Variants in GDAP2 observed in about 807,000 individuals in gnomAD.
The protein encoded by GDAP2 is ganglioside-induced differentiation-associated protein 2.
Under a neutral mutation model 67.0 loss-of-function variants are expected in GDAP2, and 51 were observed. The observed-to-expected ratio is 0.76, with a 90% CI of 0.61 to 0.96. GDAP2 has a LOEUF of 0.96. Ranked by LOEUF, GDAP2 falls within the 40% of genes least tolerant of loss-of-function variation. GDAP2 has a pLI of 0.00. For missense variants in GDAP2, 547 were observed against 588.3 expected, an observed-to-expected ratio of 0.93 and a Z score of 0.73; for synonymous variants, 203 against 207.3, an observed-to-expected ratio of 0.98 and a Z score of 0.18.
chr1:117,917,042 A>G (rs1173122405), intron 3 of GDAP2, among the ~76,000 whole-genome samples: 1 of 152,028 alleles, frequency 6.6e-6, no homozygotes, highest in Non-Finnish European at 1.5e-5. Flanking sequence ...TCAGGAAAAA[A>G]AAAAAAAGAA....
At chr1:117,884,813 C>CGTGTGTGTGTGTGTGTGT (rs35296112) in intron 10 of GDAP2, among the ~76,000 whole-genome samples, 6 of 147,860 alleles carry the variant, frequency 4.1e-5, no homozygotes, top group Admixed American at 1.4e-4. Context: ...TTATTCCCTC[C>CGTGTGTGTGTGTGTGTGT]GTGTGTGTGT....
chr1:117,921,631 G>T (rs965488451), intron 1 of GDAP2, among the ~76,000 whole-genome samples: 1 of 152,182 alleles, frequency 6.6e-6, no homozygotes, highest in Admixed American at 6.5e-5. Context: ...AGGTTGGTAA[G>T]AGAGGGAAAA....
rs1650093401 is a variant in GDAP2, at chr1:117,917,553, A to C, written c.316+1044T>G. ...TATGTCAGGAACTGAGGTAGGAACT[A>C]CTATTACCATCCCCATTTTAGAGAT... is the stretch of plus-strand genomic sequence containing the variant. On this transcript the variant is annotated intron_variant, in intron 3 of 13. Transcript: ENST00000369443. Among the ~76,000 whole-genome samples, 3 of 152,248 alleles carry C rather than the reference A, an allele frequency of 2.0e-5. No homozygotes were observed. The South Asian group carries it at 6.2e-4, about 31-fold the overall frequency.
At chr1:117,924,475 TGAGAAGTTTTTC>T (rs1354847543) in intron 1 of GDAP2, among the ~76,000 whole-genome samples, 1 of 152,202 alleles carries the variant, frequency 6.6e-6, no homozygotes, top group African/African-American at 2.4e-5. Flanking sequence ...TGAAGTTTTT[TGAGAAGTTTTTC>T]AGTATGGTTT....
At chr1:117,904,379 C>G (rs1649584386) in intron 6 of GDAP2, among the ~76,000 whole-genome samples, 1 of 152,196 alleles carries the variant, frequency 6.6e-6, no homozygotes, top group African/African-American at 2.4e-5. Flanking sequence ...CCTGGACAAT[C>G]TCATTTTACT....
intron 6 of GDAP2, among the ~76,000 whole-genome samples, chr1:117,904,999 A>T (rs1649609917): frequency 6.6e-6 from 1 of 152,138 alleles, no homozygotes; most frequent in Admixed American, 6.6e-5. Context: ...AAAAACCTAG[A>T]AGTCATGTTT....
At position 117,886,636 on chromosome 1, in the gene GDAP2, G is replaced by A. The variant is rs747457022; in HGVS notation, c.1048C>T (p.Arg350Ter). Residue 350 changes from arginine to a stop codon, truncating the protein, a stop_gained, in exon 10 of 14, where the codon CGA becomes TGA. Coordinates refer to ENST00000369443, the MANE Select transcript of GDAP2 (RefSeq NM_017686.4). LOFTEE classifies it high-confidence loss of function. Reference sequence around the variant, plus strand: ...CTTCCAACTACCACCATCACTGTTCGACCACAGTTATCAACACCTATAAAC... The same window carrying A: ...CTTCCAACTACCACCATCACTGTTCAACCACAGTTATCAACACCTATAAAC... ...LYQTGVDNCG[R>*]TVMVVVGRNI... 4 of 1,578,846 alleles carry A rather than the reference G, an allele frequency of 2.5e-6. No individual in the cohort carries two copies. Among genetic ancestry groups the A allele is most frequent in the African/African-American group, 1.3e-5 (1 of 74,268 alleles).
At chr1:117,886,816 G>GACA (rs3054231) in intron 9 of GDAP2, among the ~76,000 whole-genome samples, 163 bp from the exon 10 acceptor site, 71,516 of 151,700 alleles carry the variant, frequency 0.47, 17,018 homozygotes, top group South Asian at 0.63. Context: ...CTACTCTGCA[G>GACA]ACAACACCTA....
intron 11 of GDAP2, 27 bp from the exon 12 acceptor site, chr1:117,881,904 A>T (rs1210264735): frequency 7.4e-7 from 1 of 1,344,148 alleles, no homozygotes; most frequent in African/African-American, 1.4e-5. Context: ...ATGACAAAAA[A>T]AATCAGTATA....
Position 117,874,998 on chromosome 1 carries a change from A to G in GDAP2, c.1446+3011T>C, listed in dbSNP as rs972723203. Among the ~76,000 whole-genome samples the G allele has an allele frequency of 7.2e-5, 11 of 152,238 alleles. 1 individual carries two copies. The highest frequency in any genetic ancestry group is 7.2e-4 in the Admixed American group (11 of 15,290). Reference sequence around the variant, plus strand: ...GCTGCTTTTAACAGCTTATAACCAGATATGAGAGCAAAGAAATGACAAAAA... The same window carrying G: ...GCTGCTTTTAACAGCTTATAACCAGGTATGAGAGCAAAGAAATGACAAAAA... On this transcript the variant is annotated intron_variant, in intron 13 of 13. Transcript: ENST00000369443.
At chr1:117,919,499 T>C (rs187963774) in intron 2 of GDAP2, among the ~76,000 whole-genome samples, 81 of 152,300 alleles carry the variant, frequency 5.3e-4, no homozygotes, top group African/African-American at 1.8e-3. Context: ...ATGTTCAGAA[T>C]TGGCAAATCT....
In GDAP2 at chr1:117,866,955, T is replaced by C. The variant is rs1648085724; in HGVS notation, c.*3614A>G. ...ATTATCCTGCAGTTCTTTTGGTCCT[T>C]AATACAATCAATCCACTGCCACTAG... On this transcript the variant is annotated 3_prime_UTR_variant, in exon 14 of 14. Transcript: ENST00000369443. 6.6e-6 allele frequency: 1 copy of C among 152,122 alleles called. No homozygotes were observed. The allele number at this position is 152,122 out of a possible 1,614,324, so 9.4% of individuals were successfully genotyped here. A position where few individuals can be genotyped will look rare whatever the true frequency, so the allele number is the denominator to read the frequency against.
In GDAP2 at chr1:117,916,526, T is replaced by C. The variant is rs190333830; in HGVS notation, c.316+2071A>G. Among the ~76,000 whole-genome samples, 4 of 152,250 alleles carry C rather than the reference T, an allele frequency of 2.6e-5. No homozygotes were observed. In the East Asian group the frequency reaches 7.7e-4, roughly 29 times the overall value. ...ACACTTACTGGTTGTGTGTGGACAA[T>C]GGATTTAAGAAACGAAGAATGGATG... is the stretch of plus-strand genomic sequence containing the variant. On this transcript the variant is annotated intron_variant, in intron 3 of 13. Transcript: ENST00000369443.
At chr1:117,905,352 T>G (rs544740674) in intron 6 of GDAP2, among the ~76,000 whole-genome samples, 1 of 152,228 alleles carries the variant, frequency 6.6e-6, no homozygotes, top group Non-Finnish European at 1.5e-5. Flanking sequence ...AGCCTCACAT[T>G]TTATGCAACA....
chr1:117,901,054 C>T (rs955205744), intron 6 of GDAP2, among the ~76,000 whole-genome samples: 7 of 151,964 alleles, frequency 4.6e-5, no homozygotes, highest in African/African-American at 7.3e-5. Context: ...GGTGAGACTC[C>T]GTCTCAAAAA....
chr1:117,920,014 A>G (rs1570995515), intron 2 of GDAP2, among the ~76,000 whole-genome samples, 168 bp downstream of exon 2: 1 of 152,210 alleles, frequency 6.6e-6, no homozygotes, highest in African/African-American at 2.4e-5. Context: ...CAAAACTTAT[A>G]TTGTATACTT....
At chr1:117,889,072 T>C (rs541004504) in intron 8 of GDAP2, among the ~76,000 whole-genome samples, 1 of 152,300 alleles carries the variant, frequency 6.6e-6, no homozygotes, top group South Asian at 2.1e-4. Context: ...TTTAATTTTG[T>C]TTCAAAATAT....
intron 13 of GDAP2, among the ~76,000 whole-genome samples, chr1:117,873,699 C>A (rs999965700): frequency 6.6e-6 from 1 of 152,078 alleles, no homozygotes; most frequent in East Asian, 1.9e-4. Flanking sequence ...TCTGTCAATC[C>A]TTTTCCTCCA....
intron 1 of GDAP2, among the ~76,000 whole-genome samples, chr1:117,924,577 C>T (rs773233682): frequency 3.9e-5 from 6 of 152,142 alleles, no homozygotes; most frequent in Admixed American, 6.5e-5. Flanking sequence ...ACATGGGATG[C>T]TAATTGGAAC....
Sources: gnomAD v4.1 joint callset for allele counts (sites outside exome capture counted in the v4.1 genomes callset) on GRCh38, gnomAD v4.1.1 for gene constraint, MANE v1.5 for transcripts, NCBI Gene and HGNC (gene_info 2026-07-23, HGNC 2026-07-21) for gene names.